Variants in CTNND2 observed in about 807,000 individuals in gnomAD.
CTNND2 encodes catenin delta-2.
Under a neutral mutation model 144.4 loss-of-function variants are expected in CTNND2, and 22 were observed. The observed-to-expected ratio is 0.15, with a 90% CI of 0.11 to 0.22. The LOEUF (loss-of-function observed/expected upper bound fraction) is 0.22. Among genes scored for constraint, CTNND2 ranks in the 10% least tolerant of loss-of-function variants. The pLI, the probability that CTNND2 is intolerant of heterozygous loss-of-function variation, is 1.00. For synonymous variants in CTNND2, 751 were observed against 695.6 expected, an observed-to-expected ratio of 1.08 and a Z score of -1.25; for missense variants, 1,353 against 1,618.8, an observed-to-expected ratio of 0.84 and a Z score of 2.82.
At chr5:11,444,854 G>A (rs572721176) in intron 3 of CTNND2, among the ~76,000 whole-genome samples, 12 of 152,288 alleles carry the variant, frequency 7.9e-5, no homozygotes, top group Admixed American at 7.2e-4. Flanking sequence ...GAGGTCCTGT[G>A]GCCAGCACTG....
At chr5:11,690,561 G>A (rs1052167647) in intron 2 of CTNND2, among the ~76,000 whole-genome samples, 1 of 151,432 alleles carries the variant, frequency 6.6e-6, no homozygotes, top group Non-Finnish European at 1.5e-5. Flanking sequence ...GTGAAACCCC[G>A]TCTCTACTAA....
Position 11,199,452 on chromosome 5 carries a change from G to T in CTNND2, c.1971C>A (p.Val657=). 6.2e-7 allele frequency: 1 copy of T among 1,613,398 alleles called. No individual in the cohort carries two copies. Among genetic ancestry groups the T allele is most frequent in the South Asian group, 1.1e-5 (1 of 91,040 alleles). ...KTTDLEIREL[V]TGVLWNLSSC... ...TAATTTAATAATGATTCTAACCTGT[G>T]ACCAGCTCCCGGATCTCCAGGTCAG... Residue 657 remains valine, a synonymous_variant, in exon 11 of 22, where the codon GTC becomes GTA. Coordinates refer to ENST00000304623, the MANE Select transcript of CTNND2 (RefSeq NM_001332.4).
intron 3 of CTNND2, among the ~76,000 whole-genome samples, chr5:11,523,275 AT>A (rs1000983583): frequency 6.5e-4 from 99 of 151,882 alleles, no homozygotes; most frequent in Admixed American, 3.9e-3. Flanking sequence ...ATAACATGAG[AT>A]TTTTTTTTAA....
intron 9 of CTNND2, among the ~76,000 whole-genome samples, chr5:11,256,822 A>G (rs1433990682): frequency 2.6e-5 from 4 of 152,170 alleles, no homozygotes; most frequent in Non-Finnish European, 4.4e-5. Flanking sequence ...GGGTTTCTCA[A>G]CCTCAGCACT....
chr5:11,275,879 C>T (rs141465705), intron 9 of CTNND2, among the ~76,000 whole-genome samples: 108 of 152,238 alleles, frequency 7.1e-4, no homozygotes, highest in African/African-American at 2.4e-3. Flanking sequence ...TTAATGCCAG[C>T]CAGAGAAACA....
chr5:11,323,065 A>C (rs1478064648), intron 9 of CTNND2, among the ~76,000 whole-genome samples: 1 of 152,054 alleles, frequency 6.6e-6, no homozygotes, highest in Admixed American at 6.6e-5. Context: ...CTGAGTCAGG[A>C]TCTTGCTGTC....
intron 3 of CTNND2, among the ~76,000 whole-genome samples, chr5:11,449,459 C>T (rs1245669299): frequency 6.6e-6 from 1 of 152,146 alleles, no homozygotes; most frequent in East Asian, 1.9e-4. Context: ...ATCAGTCTTT[C>T]ATCAAGACGC....
At chr5:11,130,263 C>CT (rs1271681782) in intron 12 of CTNND2, among the ~76,000 whole-genome samples, 1 of 148,392 alleles carries the variant, frequency 6.7e-6, no homozygotes, top group Admixed American at 6.7e-5. Flanking sequence ...TACCACACCC[C>CT]CCCCATCCAC....
Position 11,746,558 on chromosome 5 carries a change from C to A in CTNND2, c.38-14286G>T, listed in dbSNP as rs77664672. 6.0e-3 allele frequency among the ~76,000 whole-genome samples: 919 copies of A among 152,040 alleles called. 7 individuals are homozygous for A. The highest frequency in any genetic ancestry group is 0.021 in the African/African-American group (860 of 41,480). The stretch of plus-strand genomic sequence containing the variant: ...TGGCCCCTTTTTCCTTTAAGCCATT[C>A]GGGATAAATTTTCTGTCATTTGCAA... On this transcript the variant is annotated intron_variant, in intron 1 of 21. Transcript: ENST00000304623.
At chr5:11,006,219 G>C (rs2149518628) in intron 18 of CTNND2, among the ~76,000 whole-genome samples, 1 of 152,346 alleles carries the variant, frequency 6.6e-6, no homozygotes, top group East Asian at 1.9e-4. Context: ...TGACAAAGCA[G>C]CCAGGGAGGA....
At chr5:11,533,470 G>A (rs1773939702) in intron 3 of CTNND2, among the ~76,000 whole-genome samples, 1 of 152,184 alleles carries the variant, frequency 6.6e-6, no homozygotes, top group African/African-American at 2.4e-5. Flanking sequence ...AAAGTCACTG[G>A]ACCTCAGGCA....
At chr5:11,148,650 G>GCC (rs1561384701) in intron 12 of CTNND2, among the ~76,000 whole-genome samples, 4 of 152,230 alleles carry the variant, frequency 2.6e-5, no homozygotes. Context: ...CTTTGGTGCT[G>GCC]TCTTTCTGGG....
chr5:11,307,410 A>G (rs1750357452), intron 9 of CTNND2, among the ~76,000 whole-genome samples: 1 of 151,948 alleles, frequency 6.6e-6, no homozygotes, highest in South Asian at 2.1e-4. Flanking sequence ...GGTAGGAGGA[A>G]GCCTTCTATT....
At chr5:11,310,788 A>G (rs1750715144) in intron 9 of CTNND2, among the ~76,000 whole-genome samples, 1 of 144,922 alleles carries the variant, frequency 6.9e-6, no homozygotes, top group African/African-American at 2.6e-5. Context: ...TCACATACAC[A>G]CTCCCCATAC....
At chr5:11,610,222 G>C (rs1470361472) in intron 2 of CTNND2, among the ~76,000 whole-genome samples, 1 of 152,132 alleles carries the variant, frequency 6.6e-6, no homozygotes, top group African/African-American at 2.4e-5. Flanking sequence ...TTCATAAATG[G>C]ATCCTAAGCA....
At chr5:11,309,978 C>T (rs556737563) in intron 9 of CTNND2, among the ~76,000 whole-genome samples, 73 of 152,206 alleles carry the variant, frequency 4.8e-4, no homozygotes, top group Admixed American at 9.8e-4. Context: ...TTTCCTGGGG[C>T]CTCCCCAGCC....
intron 3 of CTNND2, among the ~76,000 whole-genome samples, chr5:11,481,844 C>A (rs578164892): frequency 5.9e-5 from 9 of 152,128 alleles, no homozygotes; most frequent in Admixed American, 2.0e-4. Context: ...AAGCCAGTGG[C>A]CCAGAGAGTC....
At chr5:11,468,150 G>A (rs2149948332) in intron 3 of CTNND2, among the ~76,000 whole-genome samples, 1 of 152,282 alleles carries the variant, frequency 6.6e-6, no homozygotes, top group South Asian at 2.1e-4. Flanking sequence ...CAGAAAAACT[G>A]TATTAGTGCA....
At chr5:11,411,470 T>C in intron 5 of CTNND2, 66 bp downstream of exon 5, 2 of 805,074 alleles carry the variant, frequency 2.5e-6, no homozygotes, top group Non-Finnish European at 4.3e-6. Context: ...AGTAATGATA[T>C]TAGAAATAAT....
Sources: allele counts gnomAD v4.1 joint callset (sites outside exome capture counted in the v4.1 genomes callset), GRCh38; gene constraint gnomAD v4.1.1; transcripts MANE v1.5; gene names NCBI Gene and HGNC (gene_info 2026-07-23, HGNC 2026-07-21).